The following KCNB2 variants were observed in gnomAD, a reference collection of about 807,000 sequenced individuals.
The protein encoded by KCNB2 is potassium voltage-gated channel subfamily B member 2.
KCNB2 carries 15 observed loss-of-function variants against 61.5 expected under a neutral mutation model. The observed-to-expected ratio is 0.24, with a 90% CI of 0.16 to 0.38. KCNB2 has a LOEUF of 0.38. Among genes scored for constraint, KCNB2 ranks in the 10% least tolerant of loss-of-function variants. KCNB2 has a pLI of 1.00. For synonymous variants in KCNB2, 457 were observed against 446.0 expected (o/e 1.02, Z -0.31); for missense variants, 828 against 1,125.2 (o/e 0.74, Z 3.78).
intron 1 of KCNB2, among the ~76,000 whole-genome samples, chr8:72,538,313 T>G (rs1018001863): frequency 4.6e-5 from 7 of 152,028 alleles, no homozygotes; most frequent in African/African-American, 1.7e-4. Context: ...CGGTCTCCGT[T>G]CTGTAGCACG....
intron 2 of KCNB2, among the ~76,000 whole-genome samples, chr8:72,910,913 G>T (rs1806277566): frequency 6.6e-6 from 1 of 152,294 alleles, no homozygotes; most frequent in Non-Finnish European, 1.5e-5. Context: ...GAATTTGGAT[G>T]CTCCATTCTA....
intron 2 of KCNB2, among the ~76,000 whole-genome samples, chr8:72,874,371 C>A (rs978897238): frequency 6.6e-6 from 1 of 152,158 alleles, no homozygotes; most frequent in Non-Finnish European, 1.5e-5. Context: ...CGAGCCAGCA[C>A]CTCTATCAGG....
chr8:72,581,359 A>G (rs987021762), intron 2 of KCNB2, among the ~76,000 whole-genome samples: 15 of 151,966 alleles, frequency 9.9e-5, no homozygotes, highest in Non-Finnish European at 2.1e-4. Flanking sequence ...TTGTAATCTC[A>G]TGATTTTGAC....
At chr8:72,695,075 A>T (rs1806998070) in intron 2 of KCNB2, among the ~76,000 whole-genome samples, 1 of 152,120 alleles carries the variant, frequency 6.6e-6, no homozygotes, top group South Asian at 2.1e-4. Flanking sequence ...TACCTGTAAA[A>T]CAGGTTAATA....
intron 2 of KCNB2, among the ~76,000 whole-genome samples, chr8:72,805,479 A>G (rs1264788877): frequency 2.0e-5 from 3 of 152,166 alleles, no homozygotes; most frequent in Non-Finnish European, 4.4e-5. Context: ...TAGAAGATGG[A>G]GTTGAAGAAC....
At chr8:72,630,758 A>C (rs146052708) in intron 2 of KCNB2, among the ~76,000 whole-genome samples, 1 of 152,324 alleles carries the variant, frequency 6.6e-6, no homozygotes, top group East Asian at 1.9e-4. Context: ...TAAAGTTTTC[A>C]ACTATCAGAT....
rs564382403 is a variant in KCNB2 at position 72,867,382 on chromosome 8, C to T, written c.580-68553C>T. Among the ~76,000 whole-genome samples, 137 of 152,212 alleles carry T rather than the reference C, an allele frequency of 9.0e-4. 2 individuals carry two copies. Among genetic ancestry groups the T allele is most frequent in the African/African-American group, 3.1e-3 (129 of 41,542 alleles). ...GTGGGCCAGAGGCCGGGAGTGGTGG[C>T]TCACGCCTATAAGCCCTGCACTTTG... is the stretch of plus-strand genomic sequence containing the variant. On this transcript the variant is annotated intron_variant, in intron 2 of 2. Coordinates refer to ENST00000523207, the MANE Select transcript of KCNB2 (RefSeq NM_004770.3).
intron 2 of KCNB2, among the ~76,000 whole-genome samples, chr8:72,864,286 A>G (rs180967946): frequency 7.2e-5 from 11 of 152,370 alleles, no homozygotes; most frequent in Admixed American, 2.0e-4. Context: ...TCCACCCAGA[A>G]GACAATGGTG....
intron 2 of KCNB2, among the ~76,000 whole-genome samples, chr8:72,797,289 T>A (rs1243845009): frequency 6.6e-6 from 1 of 152,234 alleles, no homozygotes; most frequent in Admixed American, 6.5e-5. Context: ...TCTGGAAACG[T>A]ACTATATACT....
At chr8:72,651,964 G>T (rs545032681) in intron 2 of KCNB2, among the ~76,000 whole-genome samples, 23 of 152,106 alleles carry the variant, frequency 1.5e-4, no homozygotes, top group Admixed American at 2.6e-4. Flanking sequence ...ACTACCTAGT[G>T]GTTTGAGTCA....
At chr8:72,888,414 G>C (rs1261454850) in intron 2 of KCNB2, among the ~76,000 whole-genome samples, 1 of 152,104 alleles carries the variant, frequency 6.6e-6, no homozygotes, top group Admixed American at 6.6e-5. Flanking sequence ...CATGGCCACA[G>C]TCAGTTAATT....
chr8:72,819,049 A>G (rs1395833446), intron 2 of KCNB2, among the ~76,000 whole-genome samples: 2 of 152,200 alleles, frequency 1.3e-5, no homozygotes, highest in Non-Finnish European at 1.5e-5. Context: ...TCATCCTGCT[A>G]GCAATCAGGC....
At position 72,885,480 on chromosome 8, in the gene KCNB2, A is replaced by G. The variant is rs534184465; in HGVS notation, c.580-50455A>G. 3.3e-5 allele frequency among the ~76,000 whole-genome samples: 5 copies of G among 152,196 alleles called. No homozygotes were observed. In the East Asian group the frequency reaches 9.6e-4, roughly 29 times the overall value. ...TTTGATTACTGATTCAGTTTATTTA[A>G]TGGTTGTTGGTATATTTAGATTCCT... On this transcript the variant is annotated intron_variant, in intron 2 of 2. Coordinates refer to ENST00000523207, the MANE Select transcript of KCNB2 (RefSeq NM_004770.3).
intron 2 of KCNB2, among the ~76,000 whole-genome samples, chr8:72,890,308 G>A (rs1309608589): frequency 6.6e-6 from 1 of 152,192 alleles, no homozygotes; most frequent in Non-Finnish European, 1.5e-5. Flanking sequence ...GTTGAGGGTG[G>A]GGAGTGGCAG....
intron 2 of KCNB2, among the ~76,000 whole-genome samples, chr8:72,919,160 C>G (rs1015215383): frequency 6.6e-6 from 1 of 152,148 alleles, no homozygotes; most frequent in Non-Finnish European, 1.5e-5. Flanking sequence ...GTATGTTACA[C>G]CATAGCATTA....
chr8:72,842,855 C>T (rs7000538), intron 2 of KCNB2, among the ~76,000 whole-genome samples: 129,764 of 152,120 alleles, frequency 0.85, 56,301 homozygotes, highest in Middle Eastern at 0.97. Flanking sequence ...GCTAGCAGTC[C>T]ATCTATTTTG....
At chr8:72,822,459 T>C (rs180697610) in intron 2 of KCNB2, among the ~76,000 whole-genome samples, 272 of 152,316 alleles carry the variant, frequency 1.8e-3, no homozygotes, top group African/African-American at 6.2e-3. Context: ...TACGCTTAAG[T>C]GTTGAGTGAG....
intron 2 of KCNB2, among the ~76,000 whole-genome samples, chr8:72,639,575 C>A (rs1398888875): frequency 6.6e-6 from 1 of 152,098 alleles, no homozygotes; most frequent in Non-Finnish European, 1.5e-5. Flanking sequence ...CGGATAGGAG[C>A]ATGCTCTTTC....
At chr8:72,900,798 G>A (rs776667747) in intron 2 of KCNB2, among the ~76,000 whole-genome samples, 20 of 151,996 alleles carry the variant, frequency 1.3e-4, no homozygotes, top group Middle Eastern at 3.2e-3. Context: ...GTGAGATACC[G>A]TCTCACACCA....
Sources: gnomAD v4.1 joint callset for allele counts (sites outside exome capture counted in the v4.1 genomes callset) on GRCh38, gnomAD v4.1.1 for gene constraint, MANE v1.5 for transcripts, NCBI Gene and HGNC (gene_info 2026-07-23, HGNC 2026-07-21) for gene names.